VWA5B1: variants seen among roughly 807,000 people sequenced by gnomAD.
The protein encoded by VWA5B1 is von Willebrand factor A domain containing 5B1.
A neutral mutation model predicts 118.2 loss-of-function variants in VWA5B1; 115 were observed. That is an observed-to-expected ratio of 0.97 (90% CI 0.84 to 1.14). VWA5B1 has a LOEUF of 1.14. Among genes scored for constraint, VWA5B1 ranks in the 50% most tolerant of loss-of-function variants. The probability of loss-of-function intolerance (pLI) is 0.00; values close to 1 mark genes in which losing one functional copy is unlikely to be tolerated. For synonymous variants in VWA5B1, 682 were observed against 658.4 expected (o/e 1.04, Z -0.55); for missense variants, 1,596 against 1,603.8 (o/e 1.00, Z 0.08).
intron 4 of VWA5B1, 97 bp downstream of exon 4, chr1:20,314,689 A>G (rs1422570448): frequency 1.4e-6 from 2 of 1,481,366 alleles, no homozygotes; most frequent in African/African-American, 2.8e-5. Context: ...GGAGACAGGG[A>G]GGAGATGGGG....
intron 7 of VWA5B1, among the ~76,000 whole-genome samples, chr1:20,321,734 A>G (rs900671168): frequency 2.0e-5 from 3 of 151,980 alleles, no homozygotes; most frequent in African/African-American, 4.8e-5. Context: ...CAAGAGCCCA[A>G]CGTGGGAGGA....
rs796393832 is a variant in VWA5B1, at chr1:20,353,905, C to T, written c.3290C>T (p.Pro1097Leu). ...LTTRPSESKT[P>L]SPQLCTSSPP... ...ACCCGCCCGTCTGAGTCCAAGACCC[C>T]GAGTCCCCAGCTGTGCACCAGCTCC... The change falls in exon 22 of 22, where the codon CCG becomes CTG. Residue 1097 changes from proline to leucine, a missense_variant. By Grantham distance (98) the Pro-to-Leu change is moderately conservative. Coordinates refer to ENST00000289815, the MANE Select transcript of VWA5B1 (RefSeq NM_001039500.3). 30 of 1,548,426 alleles carry T rather than the reference C, an allele frequency of 1.9e-5. No homozygotes were observed. Among genetic ancestry groups the T allele is most frequent in the African/African-American group, 1.2e-4 (9 of 73,156 alleles).
intron 1 of VWA5B1, among the ~76,000 whole-genome samples, chr1:20,294,897 G>A (rs1469936679): frequency 6.6e-6 from 1 of 152,174 alleles, no homozygotes; most frequent in African/African-American, 2.4e-5. Context: ...CCTCCCATGA[G>A]GTTTTACTAA....
chr1:20,295,794 C>A (rs150812763), intron 1 of VWA5B1, among the ~76,000 whole-genome samples: 1 of 152,136 alleles, frequency 6.6e-6, no homozygotes, highest in Non-Finnish European at 1.5e-5. Context: ...TAGTGTCCCC[C>A]CTTCCTTATT....
Position 20,343,267 on chromosome 1 carries a change from C to G in VWA5B1, c.2500C>G (p.Pro834Ala). The G allele has an allele frequency of 6.5e-7, 1 of 1,548,570 alleles. No individual in the cohort carries two copies. The highest frequency in any genetic ancestry group is 8.7e-7 in the Non-Finnish European group (1 of 1,146,754). The change falls in exon 16 of 22, where the codon CCT becomes GCT. Residue 834 changes from proline (P) to alanine (A), a missense_variant. Physicochemically the swap from Pro to Ala is conservative, Grantham distance 27 (BLOSUM62 -1). Transcript: ENST00000289815. ...QWEVSFELGT[P>A]GPERGGAQDA... is the part of the protein sequence containing the mutation. ...GGAGGTGAGCTTCGAGCTGGGGACC[C>G]CTGGACCGGAGCGGGGCGGCGCGCA...
chr1:20,319,329 T>C, intron 6 of VWA5B1, 53 bp from the exon 7 acceptor site: 1 of 1,544,340 alleles, frequency 6.5e-7, no homozygotes, highest in Admixed American at 2.0e-5. Context: ...GCCCCCAGCA[T>C]CCTTCTCCTA....
chr1:20,346,797 T>TC (rs2090016800), intron 17 of VWA5B1, among the ~76,000 whole-genome samples: 1 of 152,194 alleles, frequency 6.6e-6, no homozygotes, highest in Non-Finnish European at 1.5e-5. Context: ...TGGTCACCCC[T>TC]CCCCTGCTTT....
In VWA5B1 at chr1:20,324,953, C is replaced by T. The variant is rs1332768385; in HGVS notation, c.1143+1421C>T. Reference sequence around the variant, plus strand: ...GAGTGCTGAAGCACGCTCAAGGCCTCTGTGGCCATCTGTATCCCGTTCCGC... The same window carrying T: ...GAGTGCTGAAGCACGCTCAAGGCCTTTGTGGCCATCTGTATCCCGTTCCGC... On this transcript the variant is annotated intron_variant, in intron 8 of 21. Coordinates refer to ENST00000289815, the MANE Select transcript of VWA5B1 (RefSeq NM_001039500.3). Among the ~76,000 whole-genome samples, 3 of 152,346 alleles carry T rather than the reference C, an allele frequency of 2.0e-5. 1 individual carries two copies. In the East Asian group the frequency reaches 5.8e-4, roughly 29 times the overall value.
intron 1 of VWA5B1, among the ~76,000 whole-genome samples, chr1:20,292,177 CT>C (rs1295340055): frequency 5.9e-5 from 9 of 151,614 alleles, no homozygotes; most frequent in East Asian, 1.9e-4. Flanking sequence ...TCCTCCCCCC[CT>C]CCTGTCCTCC....
At chr1:20,302,787 G>T (rs1359892035) in intron 1 of VWA5B1, among the ~76,000 whole-genome samples, 1 of 152,118 alleles carries the variant, frequency 6.6e-6, no homozygotes, top group Non-Finnish European at 1.5e-5. Context: ...CTTGAAGGAT[G>T]GCTAAGGAGG....
Position 20,310,773 on chromosome 1 carries a change from AC to A in VWA5B1, c.139+38del, listed in dbSNP as rs749079556. 25 of 1,502,998 alleles carry A rather than the reference AC, an allele frequency of 1.7e-5. No individual in the cohort carries two copies. In the South Asian group the frequency reaches 2.2e-4, roughly 13 times the overall value. The allele number at this position is 1,502,998 out of a possible 1,614,324, so 93.1% of individuals were successfully genotyped here. A position where few individuals can be genotyped will look rare whatever the true frequency, so the allele number is the denominator to read the frequency against. On this transcript the variant is annotated intron_variant, in intron 2 of 21. Transcript: ENST00000289815. Reference sequence around the variant, plus strand: ...CACCTGCTGGGGCCTCCCCGGGACCACCCCCTCCTCCACAGTGAATCCCTGT... The same window carrying A: ...CACCTGCTGGGGCCTCCCCGGGACCACCCCTCCTCCACAGTGAATCCCTGT...
At chr1:20,305,031 G>A (rs2088607649) in intron 1 of VWA5B1, among the ~76,000 whole-genome samples, 1 of 152,140 alleles carries the variant, frequency 6.6e-6, no homozygotes, top group Non-Finnish European at 1.5e-5. Context: ...AGTGGATACA[G>A]CAGTGAATAA....
At chr1:20,341,318 A>T (rs1333814192) in intron 14 of VWA5B1, among the ~76,000 whole-genome samples, 1 of 152,230 alleles carries the variant, frequency 6.6e-6, no homozygotes, top group Admixed American at 6.5e-5. Flanking sequence ...ACAAGATTGA[A>T]TTCCTGAAAG....
Position 20,314,452 on chromosome 1 carries a change from C to T in VWA5B1, c.423C>T (p.Val141=). 1 of 1,551,860 alleles carries T rather than the reference C, an allele frequency of 6.4e-7. No individual in the cohort carries two copies. The highest frequency in any genetic ancestry group is 8.7e-7 in the Non-Finnish European group (1 of 1,147,036). The change falls in exon 4 of 22, where the codon GTC becomes GTT. Residue 141 remains valine (V), a synonymous_variant. Coordinates refer to ENST00000289815, the MANE Select transcript of VWA5B1 (RefSeq NM_001039500.3). ...GGACCATTGCCCCCATGGAGAATGT[C>T]ACCATCTTCATCAGCACCTCCTCGG... ...NLGTIAPMEN[V]TIFISTSSEL...
intron 14 of VWA5B1, among the ~76,000 whole-genome samples, chr1:20,340,109 C>T (rs928037776): frequency 2.0e-5 from 3 of 152,060 alleles, no homozygotes; most frequent in Admixed American, 6.5e-5. Context: ...TCAGACCCAT[C>T]TCTGCTCTTC....
chr1:20,333,090 A>C, intron 12 of VWA5B1, 139 bp downstream of exon 12: 1 of 1,110,314 alleles, frequency 9.0e-7, no homozygotes, highest in Non-Finnish European at 1.3e-6. Flanking sequence ...CAGTTTTCCC[A>C]GTTGTGGGTT....
chr1:20,333,089 C>A (rs2089618780), intron 12 of VWA5B1, 138 bp downstream of exon 12: 2 of 1,114,226 alleles, frequency 1.8e-6, no homozygotes, highest in Admixed American at 2.6e-5. Context: ...ACAGTTTTCC[C>A]AGTTGTGGGT....
intron 1 of VWA5B1, among the ~76,000 whole-genome samples, chr1:20,300,423 C>T (rs2088483157): frequency 1.3e-5 from 2 of 152,118 alleles, no homozygotes; most frequent in South Asian, 4.1e-4. Flanking sequence ...ATAAAGATGC[C>T]AGGACCCAGA....
At chr1:20,351,317 G>A (rs1175126449) in intron 20 of VWA5B1, among the ~76,000 whole-genome samples, 1 of 151,998 alleles carries the variant, frequency 6.6e-6, no homozygotes, top group Admixed American at 6.5e-5. Flanking sequence ...CCAGGAGTTC[G>A]AGACCAGCCT....
Sources: allele counts gnomAD v4.1 joint callset (sites outside exome capture counted in the v4.1 genomes callset), GRCh38; gene constraint gnomAD v4.1.1; transcripts MANE v1.5; gene names NCBI Gene and HGNC (gene_info 2026-07-23, HGNC 2026-07-21).